SYCP1: variants seen among roughly 807,000 people sequenced by gnomAD.
SYCP1 encodes cancer/testis antigen 8.
SYCP1 carries 64 observed loss-of-function variants against 153.1 expected under a neutral mutation model. The ratio of observed to expected loss-of-function variants is 0.42; its 90% CI spans 0.34 to 0.51. The LOEUF (loss-of-function observed/expected upper bound fraction) is 0.51. Among genes scored for constraint, SYCP1 ranks in the 20% least tolerant of loss-of-function variants. The pLI is 0.06. For missense variants in SYCP1, 997 were observed against 1,049.0 expected, an observed-to-expected ratio of 0.95 and a Z score of 0.68; for synonymous variants, 384 against 341.8, an observed-to-expected ratio of 1.12 and a Z score of -1.36.
At position 114,947,670 on chromosome 1, in the gene SYCP1, G is replaced by A. The variant is rs984573930; in HGVS notation, c.2322+350G>A. 4.0e-5 allele frequency among the ~76,000 whole-genome samples: 6 copies of A among 151,482 alleles called. No individual in the cohort carries two copies. The East Asian group carries it at 7.8e-4, about 20-fold the overall frequency. Reference sequence around the variant, plus strand: ...CTACTAAAAATACAAAAAATTAGCCGGGTGCGGTGGCGGGCGCCTGTAGTC... The same window carrying A: ...CTACTAAAAATACAAAAAATTAGCCAGGTGCGGTGGCGGGCGCCTGTAGTC... On this transcript the variant is annotated intron_variant, in intron 27 of 31. Coordinates refer to ENST00000369522, the MANE Select transcript of SYCP1 (RefSeq NM_003176.4).
chr1:114,987,089 TC>T (rs1673565070), intron 30 of SYCP1, among the ~76,000 whole-genome samples: 1 of 151,850 alleles, frequency 6.6e-6, no homozygotes, highest in African/African-American at 2.4e-5. Flanking sequence ...TTTTTTTTTT[TC>T]CTTTTCTCTT....
intron 27 of SYCP1, among the ~76,000 whole-genome samples, chr1:114,962,407 G>A (rs971817242): frequency 3.9e-5 from 6 of 152,148 alleles, no homozygotes; most frequent in African/African-American, 1.4e-4. Flanking sequence ...TTATCATTAT[G>A]TAATGTCTCT....
chr1:114,894,507 G>A (rs1319190408), intron 15 of SYCP1, among the ~76,000 whole-genome samples: 1 of 152,112 alleles, frequency 6.6e-6, no homozygotes, highest in Non-Finnish European at 1.5e-5. Context: ...AAATGCGGGA[G>A]GCTTGGGCTG....
chr1:114,981,467 T>C lies in SYCP1; in HGVS notation c.2514T>C (p.Tyr838=), dbSNP rs1390918896. The change falls in exon 29 of 32, where the codon TAT becomes TAC. Residue 838 remains tyrosine (Y), a synonymous_variant. Coordinates refer to ENST00000369522, the MANE Select transcript of SYCP1 (RefSeq NM_003176.4). The part of the protein sequence containing the change: ...DHGISKDKRD[Y]LWTSAKNTLS... Reference sequence around the variant, plus strand: ...GCATATCCAAAGATAAAAGAGACTATCTGTGGACATCTGCCAAAAATACTT... The same window carrying C: ...GCATATCCAAAGATAAAAGAGACTACCTGTGGACATCTGCCAAAAATACTT... The C allele has an allele frequency of 1.9e-6, 3 of 1,603,356 alleles. No individual in the cohort carries two copies. The highest frequency in any genetic ancestry group is 2.3e-5 in the South Asian group (2 of 87,558).
intron 8 of SYCP1, among the ~76,000 whole-genome samples, chr1:114,868,505 T>C (rs1473094970): frequency 6.6e-6 from 1 of 152,222 alleles, no homozygotes; most frequent in Non-Finnish European, 1.5e-5. Flanking sequence ...TTTGCATCTA[T>C]GTTCATGAGA....
intron 30 of SYCP1, among the ~76,000 whole-genome samples, chr1:114,987,627 T>C (rs1289534809): frequency 6.6e-6 from 1 of 152,074 alleles, no homozygotes; most frequent in Non-Finnish European, 1.5e-5. Flanking sequence ...ATTATGTCAC[T>C]ACACTCCAGC....
intron 21 of SYCP1, among the ~76,000 whole-genome samples, chr1:114,924,851 G>A (rs2101733461): frequency 6.6e-6 from 1 of 152,126 alleles, no homozygotes; most frequent in South Asian, 2.1e-4. Context: ...TGAGGTCATT[G>A]AAGAATTTTG....
At chr1:114,903,826 A>T (rs1230248820) in intron 16 of SYCP1, among the ~76,000 whole-genome samples, 1 of 152,186 alleles carries the variant, frequency 6.6e-6, no homozygotes, top group South Asian at 2.1e-4. Context: ...GGATGACATT[A>T]CCATTTGTTT....
In SYCP1 at chr1:114,976,603, C is replaced by T. The variant is rs973123659; in HGVS notation, c.2323-954C>T. Among the ~76,000 whole-genome samples the T allele has an allele frequency of 4.6e-5, 7 of 151,726 alleles. No individual in the cohort carries two copies. The South Asian group carries it at 6.2e-4, about 13-fold the overall frequency. The stretch of plus-strand genomic sequence containing the variant: ...AAGATACATATTCTGAGAGTCATTA[C>T]GATATTGCTGGTTTAGAAAATGTGC... On this transcript the variant is annotated intron_variant, in intron 27 of 31. Coordinates refer to ENST00000369522, the MANE Select transcript of SYCP1 (RefSeq NM_003176.4).
At chr1:114,879,670 A>G (rs1298946149) in intron 12 of SYCP1, among the ~76,000 whole-genome samples, 1 of 152,174 alleles carries the variant, frequency 6.6e-6, no homozygotes, top group African/African-American at 2.4e-5. Flanking sequence ...ATTTAATCTT[A>G]TCATATAAAC....
At chr1:114,989,580 T>G (rs2101980308) in intron 30 of SYCP1, among the ~76,000 whole-genome samples, 1 of 152,066 alleles carries the variant, frequency 6.6e-6, no homozygotes, top group South Asian at 2.1e-4. Context: ...CAGAATATAT[T>G]TTAAAAACAT....
chr1:114,856,409 A>G (rs1663941453), intron 2 of SYCP1, among the ~76,000 whole-genome samples, 164 bp from the exon 3 acceptor site: 1 of 152,196 alleles, frequency 6.6e-6, no homozygotes, highest in Admixed American at 6.5e-5. Context: ...TTCTTTGTTT[A>G]TATAGAAAAG....
chr1:114,933,332 G>A (rs1374030466), intron 23 of SYCP1, among the ~76,000 whole-genome samples: 1 of 152,232 alleles, frequency 6.6e-6, no homozygotes, highest in Non-Finnish European at 1.5e-5. Flanking sequence ...GCAGCTGAGA[G>A]TCCTGACTGT....
intron 9 of SYCP1, 125 bp downstream of exon 9, chr1:114,874,689 T>A: frequency 1.8e-6 from 1 of 564,850 alleles, no homozygotes; most frequent in Non-Finnish European, 3.0e-6. Flanking sequence ...TGATATATTA[T>A]TGTATCACTA....
intron 16 of SYCP1, among the ~76,000 whole-genome samples, chr1:114,904,330 A>G (rs1359406995): frequency 1.3e-5 from 2 of 151,926 alleles, no homozygotes; most frequent in African/African-American, 4.8e-5. Flanking sequence ...GTTAGCCAGG[A>G]TGGTCTCGAT....
intron 8 of SYCP1, 35 bp downstream of exon 8, chr1:114,860,844 A>C: frequency 6.8e-7 from 1 of 1,480,338 alleles, no homozygotes; most frequent in Non-Finnish European, 9.1e-7. Context: ...GATTTTATCA[A>C]TTTATTTTAC....
At chr1:114,929,335 C>A (rs1462596643) in intron 23 of SYCP1, among the ~76,000 whole-genome samples, 1 of 151,790 alleles carries the variant, frequency 6.6e-6, no homozygotes, top group African/African-American at 2.4e-5. Flanking sequence ...ACATAATGAT[C>A]TGAACTCAAG....
At chr1:114,905,820 A>G (rs1667771607) in intron 16 of SYCP1, among the ~76,000 whole-genome samples, 1 of 152,172 alleles carries the variant, frequency 6.6e-6, no homozygotes, top group Non-Finnish European at 1.5e-5. Context: ...TTGGTTTTAA[A>G]GAAATTAGTC....
intron 23 of SYCP1, 41 bp downstream of exon 23, chr1:114,926,604 A>G: frequency 6.8e-7 from 1 of 1,466,968 alleles, no homozygotes. Flanking sequence ...ATACTAATAG[A>G]TAGATGAGAA....
Sources: gnomAD v4.1 joint callset for allele counts (sites outside exome capture counted in the v4.1 genomes callset) on GRCh38, gnomAD v4.1.1 for gene constraint, MANE v1.5 for transcripts, NCBI Gene and HGNC (gene_info 2026-07-23, HGNC 2026-07-21) for gene names.